OTOG: variants seen among roughly 807,000 people sequenced by gnomAD.
OTOG encodes otogelin.
In OTOG, 296 loss-of-function variants were observed where a neutral mutation model predicts 313.8. The observed-to-expected ratio is 0.94, with a 90% CI of 0.86 to 1.04. The LOEUF is 1.04. Ranked by LOEUF, OTOG falls within the 50% of genes least tolerant of loss-of-function variation. The probability of loss-of-function intolerance (pLI) is 0.00; values close to 1 mark genes in which losing one functional copy is unlikely to be tolerated. For synonymous variants in OTOG, 1,533 were observed against 1,554.9 expected (o/e 0.99, Z 0.33); for missense variants, 3,948 against 3,840.1 (o/e 1.03, Z -0.74).
At chr11:17,591,792 C>T (rs1590025322) in intron 25 of OTOG, among the ~76,000 whole-genome samples, 1 of 152,200 alleles carries the variant, frequency 6.6e-6, no homozygotes, top group African/African-American at 2.4e-5. Context: ...CACTGCCTGT[C>T]TGCTCACCAT....
Position 17,554,672 on chromosome 11 carries a change from C to T in OTOG, c.541-1107C>T, listed in dbSNP as rs1322287861. Among the ~76,000 whole-genome samples, 5 of 152,350 alleles carry T rather than the reference C, an allele frequency of 3.3e-5. No homozygotes were observed. The East Asian group carries it at 7.7e-4, about 24-fold the overall frequency. On this transcript the variant is annotated intron_variant, in intron 6 of 55. Coordinates refer to ENST00000399397, the MANE Select transcript of OTOG (RefSeq NM_001292063.2). The stretch of plus-strand genomic sequence containing the variant: ...TGGACCTATGAGACTGCTCTAGGGG[C>T]CATGCCCTGGATGGGCGGGGAACTG...
At chr11:17,597,765 G>A (rs543967746) in intron 30 of OTOG, among the ~76,000 whole-genome samples, 27 of 152,220 alleles carry the variant, frequency 1.8e-4, no homozygotes, top group Non-Finnish European at 2.8e-4. Context: ...GATTTTCCTC[G>A]TGCAAGCACC....
At chr11:17,570,471 G>T in intron 17 of OTOG, 81 bp downstream of exon 17, 1 of 1,362,330 alleles carries the variant, frequency 7.3e-7, no homozygotes, top group Non-Finnish European at 1.0e-6. Context: ...CTGCCTAAAT[G>T]TCTCTCCCGT....
intron 3 of OTOG, among the ~76,000 whole-genome samples, chr11:17,549,734 G>A (rs550991513): frequency 1.3e-5 from 2 of 152,216 alleles, no homozygotes; most frequent in African/African-American, 2.4e-5. Flanking sequence ...TAGGCATCCC[G>A]CCTTTTCCTT....
At chr11:17,569,532 T>A (rs905956040) in intron 16 of OTOG, among the ~76,000 whole-genome samples, 1 of 152,206 alleles carries the variant, frequency 6.6e-6, no homozygotes, top group African/African-American at 2.4e-5. Context: ...AACATATACA[T>A]GGGTGTTTCC....
At position 17,645,559 on chromosome 11, in the gene OTOG, C is replaced by A; in HGVS notation, c.8462-5C>A. 9 of 1,550,420 alleles carry A rather than the reference C, an allele frequency of 5.8e-6. No individual in the cohort carries two copies. Among genetic ancestry groups the A allele is most frequent in the Non-Finnish European group, 7.8e-6 (9 of 1,146,910 alleles). On this transcript the variant is annotated splice_region_variant and splice_polypyrimidine_tract_variant and intron_variant, in intron 54 of 55. Transcript: ENST00000399397. ...CACAGCTGCCTCATCCCCCTGTCCC[C>A]CCAGGTAAGGAGGATGGGCGCTCCT...
rs1853540315 is a variant in OTOG at position 17,611,310 on chromosome 11, G to A, written c.6010G>A (p.Asp2004Asn). Reference sequence around the variant, plus strand: ...GCCTCACCTGGCAGCAGAGCCGGTGGACGAGGCCACCACAGAACCATCTGG... The same window carrying A: ...GCCTCACCTGGCAGCAGAGCCGGTGAACGAGGCCACCACAGAACCATCTGG... Reference protein sequence around the residue: ...AGPHLAAEPVDEATTEPSGRS... With the variant: ...AGPHLAAEPVNEATTEPSGRS... The change falls in exon 36 of 56, where the codon GAC becomes AAC. Residue 2004 changes from aspartate to asparagine, a missense_variant. Transcript: ENST00000399397. 6.4e-7 allele frequency: 1 copy of A among 1,550,576 alleles called. No individual in the cohort carries two copies. Among genetic ancestry groups the A allele is most frequent in the Non-Finnish European group, 8.7e-7 (1 of 1,146,992 alleles).
chr11:17,571,904 A>T (rs1464216490), intron 17 of OTOG, among the ~76,000 whole-genome samples, 176 bp from the exon 18 acceptor site: 2 of 152,108 alleles, frequency 1.3e-5, no homozygotes, highest in African/African-American at 4.8e-5. Context: ...GTGTGTGCGT[A>T]TACATGTTAC....
intron 26 of OTOG, 126 bp downstream of exon 26, chr11:17,593,453 C>A: frequency 7.0e-7 from 1 of 1,419,006 alleles, no homozygotes; most frequent in South Asian, 1.4e-5. Flanking sequence ...GAGTTAGGAG[C>A]CCAGACTGAA....
At chr11:17,600,086 A>C (rs1461357484) in intron 31 of OTOG, among the ~76,000 whole-genome samples, 2 of 152,248 alleles carry the variant, frequency 1.3e-5, no homozygotes, top group African/African-American at 2.4e-5. Flanking sequence ...AAAAGCAGAC[A>C]CAAACTGCCC....
intron 53 of OTOG, 48 bp downstream of exon 53, chr11:17,642,294 G>C: frequency 6.6e-7 from 1 of 1,513,430 alleles, no homozygotes; most frequent in Non-Finnish European, 8.9e-7. Flanking sequence ...GGCATCAGCT[G>C]TCTCACTGGT....
At chr11:17,614,421 A>G (rs1161348868) in intron 39 of OTOG, among the ~76,000 whole-genome samples, 1 of 152,224 alleles carries the variant, frequency 6.6e-6, no homozygotes, top group Non-Finnish European at 1.5e-5. Context: ...TTCTTAGTTT[A>G]TAAAATTTTT....
chr11:17,575,835 T>G (rs1358984659), intron 20 of OTOG, among the ~76,000 whole-genome samples: 5 of 152,028 alleles, frequency 3.3e-5, no homozygotes, highest in African/African-American at 4.8e-5. Flanking sequence ...GGCTTATATA[T>G]AGAGAGGGAG....
At chr11:17,560,885 A>G in intron 13 of OTOG, 68 bp downstream of exon 13, 4 of 1,370,300 alleles carry the variant, frequency 2.9e-6, no homozygotes, top group Non-Finnish European at 4.1e-6. Context: ...AGGGCTGCCC[A>G]TCTGGGAGCA....
rs764931529 is a variant in OTOG at position 17,606,108 on chromosome 11, C to T, written c.4129C>T (p.Arg1377Cys). The T allele has an allele frequency of 8.3e-5, 128 of 1,544,008 alleles. 2 individuals carry two copies. In the South Asian group the frequency reaches 1.0e-3, roughly 12 times the overall value. Residue 1377 changes from arginine (R) to cysteine (C), a missense_variant, in exon 33 of 56, where the codon CGC (arginine) becomes TGC (cysteine). Physicochemically the swap from Arg to Cys is radical, Grantham distance 180. Transcript: ENST00000399397. ...LRLYEHTEVF[R>C]RGTLFRLLDA... The stretch of plus-strand genomic sequence containing the variant: ...GCTGTACGAACACACAGAGGTGTTC[C>T]GCCGGGGCACACTCTTCCGCCTTCT...
At position 17,610,958 on chromosome 11, in the gene OTOG, A is replaced by C. The variant is rs1354160732; in HGVS notation, c.5658A>C (p.Gly1886=). 2.4e-5 allele frequency: 37 copies of C among 1,550,368 alleles called. No homozygotes were observed. The highest frequency in any genetic ancestry group is 3.1e-5 in the Non-Finnish European group (36 of 1,146,996). ...TGGGAGCCACATTGCCAACCTCTGG[A>C]GTCCTGCCTGTGGCTGAGGGCACGG... ...LLLGATLPTS[G]VLPVAEGTAS... Residue 1886 remains glycine, a synonymous_variant, in exon 36 of 56, where the codon GGA becomes GGC. Transcript: ENST00000399397.
intron 23 of OTOG, among the ~76,000 whole-genome samples, chr11:17,578,731 G>A (rs1431484617): frequency 6.6e-6 from 1 of 152,132 alleles, no homozygotes; most frequent in Non-Finnish European, 1.5e-5. Context: ...GCTGGAGGAG[G>A]GAGAGCCCTG....
chr11:17,623,556 A>G (rs1302331730), intron 39 of OTOG, among the ~76,000 whole-genome samples: 1 of 152,162 alleles, frequency 6.6e-6, no homozygotes, highest in Admixed American at 6.5e-5. Flanking sequence ...ATTGATGGAC[A>G]TTTAGGTTGA....
intron 32 of OTOG, 120 bp downstream of exon 32, chr11:17,602,497 G>T (rs1338371710): frequency 2.6e-6 from 3 of 1,158,488 alleles, no homozygotes; most frequent in Admixed American, 5.5e-5. Flanking sequence ...TCCGACAAGT[G>T]CCCCTCTCCC....
Sources: allele counts gnomAD v4.1 joint callset (sites outside exome capture counted in the v4.1 genomes callset), GRCh38; gene constraint gnomAD v4.1.1; transcripts MANE v1.5; gene names NCBI Gene and HGNC (gene_info 2026-07-23, HGNC 2026-07-21).